B2M: variants seen among roughly 807,000 people sequenced by gnomAD.
B2M encodes the protein beta chain of MHC class I molecules.
Under a neutral mutation model 14.5 loss-of-function variants are expected in B2M, and 3 were observed. The ratio of observed to expected loss-of-function variants is 0.21; its 90% confidence interval spans 0.09 to 0.53. The LOEUF (loss-of-function observed/expected upper bound fraction) is 0.53, where lower values mean the gene tolerates loss of function less well. Ranked by LOEUF, B2M falls within the 20% of genes least tolerant of loss-of-function variation. The probability of loss-of-function intolerance (pLI) is 0.95; values close to 1 mark genes in which losing one functional copy is unlikely to be tolerated. For missense variants in B2M, 107 were observed against 140.8 expected (o/e 0.76, Z 1.21); for synonymous variants, 45 against 52.7 (o/e 0.85, Z 0.64).
intron 1 of B2M, among the ~76,000 whole-genome samples, chr15:44,712,413 C>CT (rs1239920735): frequency 1.3e-5 from 2 of 152,208 alleles, no homozygotes; most frequent in African/African-American, 2.4e-5. Context: ...TCTTCTGCCT[C>CT]TCACAGATGA....
intron 3 of B2M, chr15:44,716,578 G>A (rs574454386): frequency 1.7e-6 from 1 of 586,764 alleles, no homozygotes; most frequent in East Asian, 2.8e-5. Context: ...TCTACAGAGA[G>A]GGCAAAGGAA....
intron 1 of B2M, chr15:44,711,969 G>T (rs2086876870): frequency 4.6e-6 from 2 of 438,778 alleles, no homozygotes; most frequent in Admixed American, 6.9e-5. Flanking sequence ...GGCTCCCCCA[G>T]CGCAGCTGGA....
chr15:44,716,288 C>T (rs754896562), intron 2 of B2M, 41 bp from the exon 3 acceptor site: 1 of 1,596,102 alleles, frequency 6.3e-7, no homozygotes, highest in South Asian at 1.1e-5. Flanking sequence ...AAAAGTAAAA[C>T]TTAATGTCTT....
chr15:44,717,060 T>C (rs1460512996), intron 3 of B2M: 2 of 152,328 alleles, frequency 1.3e-5, no homozygotes, highest in Non-Finnish European at 2.9e-5. Context: ...TGGGAGAGCA[T>C]CAGGAAGGTG....
chr15:44,716,525 TGAA>T, intron 3 of B2M, 169 bp downstream of exon 3: 1 of 747,914 alleles, frequency 1.3e-6, no homozygotes, highest in South Asian at 1.7e-5. Flanking sequence ...TGGAGTGGCA[TGAA>T]GAAGGTGTAT....
Position 44,714,245 on chromosome 15 carries a change from G to A in B2M, c.68-1178G>A, listed in dbSNP as rs2086917440. ...ATGCATTACTCCATTTGATCATAAT[G>A]GAAAGTATGTTCTGTCCCATTTGCC... On this transcript the variant is annotated intron_variant, in intron 1 of 3. Coordinates refer to ENST00000648006, the MANE Select transcript of B2M (RefSeq NM_004048.4). The A allele has an allele frequency of 2.6e-5, 4 of 152,172 alleles. No homozygotes were observed. In the South Asian group the frequency reaches 8.3e-4, roughly 32 times the overall value. 9.4% of individuals were successfully genotyped at this position (152,172 alleles called of 1,614,324 possible). A position where few individuals can be genotyped will look rare whatever the true frequency, so the allele number is the denominator to read the frequency against.
chr15:44,711,985 G>C, intron 1 of B2M: 1 of 409,384 alleles, frequency 2.4e-6, no homozygotes, highest in Non-Finnish European at 4.6e-6. Context: ...CTGGAGTGGG[G>C]GACGGGTAGG....
In B2M at chr15:44,716,319, T is replaced by C; in HGVS notation, c.347-10T>C. Reference sequence around the variant, plus strand: ...GTCTTCCTTTTTTTTCTCCACTGTCTTTTTCATAGATCGAGACATGTAAGC... The same window carrying C: ...GTCTTCCTTTTTTTTCTCCACTGTCCTTTTCATAGATCGAGACATGTAAGC... On this transcript the variant is annotated splice_polypyrimidine_tract_variant and intron_variant, in intron 2 of 3. Coordinates refer to ENST00000648006, the MANE Select transcript of B2M (RefSeq NM_004048.4). 6.2e-7 allele frequency: 1 copy of C among 1,611,758 alleles called. No individual in the cohort carries two copies. Among genetic ancestry groups the C allele is most frequent in the Non-Finnish European group, 8.5e-7 (1 of 1,177,844 alleles).
chr15:44,715,122 G>C (rs969652639), intron 1 of B2M: 4 of 463,038 alleles, frequency 8.6e-6, no homozygotes, highest in African/African-American at 4.0e-5. Flanking sequence ...CCAGAGAAAG[G>C]CTCTTAAAAA....
chr15:44,717,299 G>T (rs909183929), intron 3 of B2M: 5 of 149,414 alleles, frequency 3.3e-5, no homozygotes, highest in African/African-American at 1.3e-4. Flanking sequence ...TAACACAATG[G>T]TAAGTATTTG....
chr15:44,712,381 C>T (rs902994586), intron 1 of B2M, among the ~76,000 whole-genome samples: 1 of 152,150 alleles, frequency 6.6e-6, no homozygotes, highest in African/African-American at 2.4e-5. Flanking sequence ...TTATCTTCCG[C>T]CATAGATAAC....
intron 1 of B2M, chr15:44,711,881 C>T: frequency 1.7e-6 from 1 of 601,520 alleles, no homozygotes; most frequent in East Asian, 2.8e-5. Context: ...AGGGTCGGGA[C>T]AAAGTTTAGG....
intron 3 of B2M, chr15:44,716,872 T>C (rs2086947778): frequency 6.4e-6 from 1 of 156,596 alleles, no homozygotes; most frequent in Non-Finnish European, 1.4e-5. Context: ...GATATAATGA[T>C]ACTATAATAG....
chr15:44,716,319 T>G lies in B2M; in HGVS notation c.347-10T>G. The G allele has an allele frequency of 6.2e-7, 1 of 1,611,758 alleles. No homozygotes were observed. The highest frequency in any genetic ancestry group is 8.5e-7 in the Non-Finnish European group (1 of 1,177,844). ...GTCTTCCTTTTTTTTCTCCACTGTC[T>G]TTTTCATAGATCGAGACATGTAAGC... On this transcript the variant is annotated splice_polypyrimidine_tract_variant and intron_variant, in intron 2 of 3. Transcript: ENST00000648006.
intron 1 of B2M, chr15:44,712,762 G>C (rs187783658): frequency 1.4e-3 from 218 of 152,416 alleles, no homozygotes; most frequent in Non-Finnish European, 2.4e-3. Context: ...ACTTAGGGAG[G>C]CCGAGGCGGG....
rs2086867667 is a variant in B2M at position 44,711,626 on chromosome 15, T to C, written c.67+13T>C. The C allele has an allele frequency of 6.2e-7, 1 of 1,611,074 alleles. No homozygotes were observed. The highest frequency in any genetic ancestry group is 8.5e-7 in the Non-Finnish European group (1 of 1,177,856). On this transcript the variant is annotated intron_variant, in intron 1 of 3. Coordinates refer to ENST00000648006, the MANE Select transcript of B2M (RefSeq NM_004048.4). ...GAGGCTATCCAGCGTGAGTCTCTCCTACCCTCCCGCTCTGGTCCTTCCTCT... is the reference window on the plus strand; with the variant it reads ...GAGGCTATCCAGCGTGAGTCTCTCCCACCCTCCCGCTCTGGTCCTTCCTCT...
At chr15:44,715,364 G>T (rs1440493123) in intron 1 of B2M, 59 bp from the exon 2 acceptor site, 7 of 1,567,226 alleles carry the variant, frequency 4.5e-6, no homozygotes, top group Non-Finnish European at 5.2e-6. Context: ...TTGACACCAA[G>T]TTAGCCCCAA....
chr15:44,711,746 C>A, intron 1 of B2M, 133 bp downstream of exon 1: 1 of 1,190,642 alleles, frequency 8.4e-7, no homozygotes, highest in East Asian at 2.5e-5. Context: ...GGGGCTAGTC[C>A]AGGGCTGGAT....
chr15:44,711,764 A>C, intron 1 of B2M, 151 bp downstream of exon 1: 2 of 1,089,768 alleles, frequency 1.8e-6, no homozygotes, highest in Non-Finnish European at 2.7e-6. Context: ...GATCTCGGGG[A>C]AGCGGCGGGG....
Sources: gnomAD v4.1 joint callset for allele counts (sites outside exome capture counted in the v4.1 genomes callset) on GRCh38, gnomAD v4.1.1 for gene constraint, MANE v1.5 for transcripts, NCBI Gene and HGNC (gene_info 2026-07-23, HGNC 2026-07-21) for gene names.